Variants in FUT8 observed in about 807,000 individuals in gnomAD.
The protein encoded by FUT8 is alpha-(1,6)-fucosyltransferase.
In FUT8, 29 loss-of-function variants were observed where a neutral mutation model predicts 71.3. The observed-to-expected ratio is 0.41, with a 90% confidence interval of 0.30 to 0.55. The LOEUF is 0.55. Among genes scored for constraint, FUT8 ranks in the 20% least tolerant of loss-of-function variants. The pLI, the probability that FUT8 is intolerant of heterozygous loss-of-function variation, is 0.34. For missense variants in FUT8, 544 were observed against 702.1 expected, an observed-to-expected ratio of 0.77 and a Z score of 2.55; for synonymous variants, 254 against 239.3, an observed-to-expected ratio of 1.06 and a Z score of -0.57.
upstream of FUT8, chr14:65,411,904 C>T (rs569537470): frequency 2.6e-6 from 1 of 381,162 alleles, no homozygotes; most frequent in South Asian, 1.9e-5. Flanking sequence ...CCGGTCCTCC[C>T]GCTCAGCTGG....
At chr14:65,487,085 G>A (rs1190609844) in intron 2 of FUT8, among the ~76,000 whole-genome samples, 1 of 152,166 alleles carries the variant, frequency 6.6e-6, no homozygotes, top group Non-Finnish European at 1.5e-5. Context: ...TTAGAAAATA[G>A]TGGGCATGAT....
chr14:65,424,888 A>G (rs2065359365), intron 1 of FUT8, among the ~76,000 whole-genome samples: 1 of 150,872 alleles, frequency 6.6e-6, no homozygotes, highest in Non-Finnish European at 1.5e-5. Flanking sequence ...GTGGTTTTGA[A>G]CTCCAGTGCT....
chr14:65,670,182 A>G (rs1449104246), intron 7 of FUT8, among the ~76,000 whole-genome samples: 3 of 152,206 alleles, frequency 2.0e-5, no homozygotes, highest in Admixed American at 1.3e-4. Context: ...AGTAGAATAT[A>G]GAAAAGAATT....
intron 5 of FUT8, among the ~76,000 whole-genome samples, chr14:65,622,830 A>G (rs1049793168): frequency 1.3e-5 from 2 of 151,004 alleles, no homozygotes. Context: ...TCTTAGTCAC[A>G]TTTACCCCCG....
chr14:65,637,595 A>G (rs950669534), intron 6 of FUT8, among the ~76,000 whole-genome samples: 1 of 152,100 alleles, frequency 6.6e-6, no homozygotes, highest in African/African-American at 2.4e-5. Flanking sequence ...AGATTTATTT[A>G]TATTTATTTA....
In FUT8 at chr14:65,607,880, T is replaced by C. The variant is rs967072496; in HGVS notation, c.204-8098T>C. Among the ~76,000 whole-genome samples the C allele has an allele frequency of 6.6e-6, 1 of 151,678 alleles. No homozygotes were observed. The highest frequency in any genetic ancestry group is 1.5e-5 in the Non-Finnish European group (1 of 67,858). ...AGATCGAGACCATTACTGGCCAACA[T>C]GGTGAAACCCCGTCTCTACGAAAAA... On this transcript the variant is annotated intron_variant, in intron 3 of 10. Transcript: ENST00000673929. This position sits in a 1 kb window ranked among gnomAD's most constrained non-coding sequence, Gnocchi z 4.1.
chr14:65,610,668 C>T (rs544770731), intron 3 of FUT8, among the ~76,000 whole-genome samples: 1 of 151,880 alleles, frequency 6.6e-6, no homozygotes, highest in East Asian at 1.9e-4. Flanking sequence ...GGATTACAGG[C>T]GTGAGCCACT....
chr14:65,553,657 T>C (rs890154344), intron 2 of FUT8, among the ~76,000 whole-genome samples: 13 of 151,932 alleles, frequency 8.6e-5, no homozygotes, highest in African/African-American at 2.9e-4. Context: ...TATTTGCCTT[T>C]GTTTTGCCTT....
chr14:65,434,413 CTG>C (rs967363284), intron 1 of FUT8, among the ~76,000 whole-genome samples: 95 of 152,322 alleles, frequency 6.2e-4, no homozygotes, highest in African/African-American at 2.1e-3. Context: ...GGGCTAATCA[CTG>C]TGGGGAATTG....
intron 6 of FUT8, among the ~76,000 whole-genome samples, chr14:65,663,741 G>T (rs1437919771): frequency 6.6e-6 from 1 of 152,004 alleles, no homozygotes; most frequent in Non-Finnish European, 1.5e-5. Context: ...TCTTCAGCTT[G>T]ATTTGAGATA....
intron 5 of FUT8, among the ~76,000 whole-genome samples, chr14:65,625,501 A>C (rs1889853262): frequency 6.6e-6 from 1 of 152,250 alleles, no homozygotes; most frequent in Admixed American, 6.5e-5. Context: ...TGGTTTTTGC[A>C]GCCAAAGTCT....
chr14:65,677,152 G>GTGTGTGTGTGTGCGCGCGCGCGCGCA (rs1555383261), intron 7 of FUT8, among the ~76,000 whole-genome samples: 2 of 59,480 alleles, frequency 3.4e-5, no homozygotes, highest in Non-Finnish European at 9.1e-5. Flanking sequence ...GTGTGTGTGT[G>GTGTGTGTGTGTGCGCGCGCGCGCGCA]CGCGCGCGCA....
In FUT8 at chr14:65,613,028, C is replaced by T. The variant is rs182211517; in HGVS notation, c.204-2950C>T. 1.3e-4 allele frequency among the ~76,000 whole-genome samples: 19 copies of T among 150,014 alleles called. 1 individual carries two copies. In the East Asian group the frequency reaches 4.0e-3, roughly 31 times the overall value. On this transcript the variant is annotated intron_variant, in intron 3 of 10. Transcript: ENST00000673929. Reference sequence around the variant, plus strand: ...TATTTTTTTTTTAGAGTGATTTTTCCAGTAATTTTCTTTTCCAGTTTTTTT... The same window carrying T: ...TATTTTTTTTTTAGAGTGATTTTTCTAGTAATTTTCTTTTCCAGTTTTTTT...
chr14:65,489,152 A>G lies in FUT8; in HGVS notation c.-228+33434A>G, dbSNP rs141158983. Among the ~76,000 whole-genome samples the G allele has an allele frequency of 1.8e-3, 269 of 152,318 alleles. No individual in the cohort carries two copies. The highest frequency in any genetic ancestry group is 4.2e-3 in the African/African-American group (173 of 41,594). ...TCAGCAAATTATCATGAAAAATTCAATAATGTTGCTTTTTCTTTTTGATAG... is the reference window on the plus strand; with the variant it reads ...TCAGCAAATTATCATGAAAAATTCAGTAATGTTGCTTTTTCTTTTTGATAG... On this transcript the variant is annotated intron_variant, in intron 2 of 10. Coordinates refer to ENST00000673929, the MANE Select transcript of FUT8 (RefSeq NM_001371533.1). The surrounding 1 kb of genome is among the most constrained non-coding windows in gnomAD (Gnocchi z 4.0).
intron 6 of FUT8, among the ~76,000 whole-genome samples, chr14:65,631,298 A>G (rs1326639491): frequency 6.6e-6 from 1 of 152,166 alleles, no homozygotes; most frequent in Non-Finnish European, 1.5e-5. Flanking sequence ...ATATCTGGTG[A>G]TAGTTCTAAA....
At chr14:65,447,107 G>A (rs1260256672) in intron 1 of FUT8, among the ~76,000 whole-genome samples, 1 of 151,270 alleles carries the variant, frequency 6.6e-6, no homozygotes, top group Non-Finnish European at 1.5e-5. Context: ...TTTCCCTTCT[G>A]GGTGGTGAAA....
At chr14:65,487,334 A>G (rs537313109) in intron 2 of FUT8, among the ~76,000 whole-genome samples, 1 of 152,102 alleles carries the variant, frequency 6.6e-6, no homozygotes. Flanking sequence ...GAGGCCAGGC[A>G]GGCAGATCAC....
chr14:65,636,892 A>G (rs1368700160), intron 6 of FUT8, among the ~76,000 whole-genome samples: 2 of 152,220 alleles, frequency 1.3e-5, no homozygotes, highest in South Asian at 2.1e-4. Context: ...ATGGTTTACA[A>G]AGATTAAACT....
intron 1 of FUT8, among the ~76,000 whole-genome samples, chr14:65,418,671 A>G (rs573911840): frequency 6.6e-6 from 1 of 152,130 alleles, no homozygotes; most frequent in East Asian, 1.9e-4. Flanking sequence ...CCTTATTTGG[A>G]GATGAAGGAG....
Sources: gnomAD v4.1 joint callset for allele counts (sites outside exome capture counted in the v4.1 genomes callset) on GRCh38, gnomAD v4.1.1 for gene constraint, Gnocchi (gnomAD v3.1) non-coding constraint, MANE v1.5 for transcripts, NCBI Gene and HGNC (gene_info 2026-07-23, HGNC 2026-07-21) for gene names.